The following THSD7B variants were observed in gnomAD, a reference collection of about 807,000 sequenced individuals.
The protein encoded by THSD7B is thrombospondin type 1 domain containing 7B.
THSD7B carries 138 observed loss-of-function variants against 213.6 expected under a neutral mutation model. The ratio of observed to expected loss-of-function variants is 0.65; its 90% CI spans 0.56 to 0.74. The LOEUF is 0.74. Among genes scored for constraint, THSD7B ranks in the 30% least tolerant of loss-of-function variants. The pLI is 0.00. For missense variants in THSD7B, 1,931 were observed against 1,991.5 expected, an observed-to-expected ratio of 0.97 and a Z score of 0.58; for synonymous variants, 742 against 687.0, an observed-to-expected ratio of 1.08 and a Z score of -1.25.
intron 2 of THSD7B, among the ~76,000 whole-genome samples, chr2:137,028,760 C>T (rs1686602499): frequency 6.6e-6 from 1 of 152,146 alleles, no homozygotes; most frequent in South Asian, 2.1e-4. Context: ...CTGGAGGTTT[C>T]CCAGAGGCAA....
chr2:137,533,058 T>A (rs1680429734), intron 15 of THSD7B, among the ~76,000 whole-genome samples: 1 of 151,088 alleles, frequency 6.6e-6, no homozygotes, highest in South Asian at 2.1e-4. Flanking sequence ...ATATAAATAA[T>A]GTTATACATA....
intron 1 of THSD7B, among the ~76,000 whole-genome samples, chr2:136,824,126 A>G (rs1682605497): frequency 3.3e-5 from 5 of 152,196 alleles, no homozygotes; most frequent in Admixed American, 3.3e-4. Context: ...CCAAAGGTAC[A>G]AAGGCAGTAC....
chr2:137,141,110 G>T (rs2104964083), intron 5 of THSD7B, among the ~76,000 whole-genome samples: 1 of 152,248 alleles, frequency 6.6e-6, no homozygotes, highest in South Asian at 2.1e-4. Context: ...GTGTGAGGCT[G>T]GGGAGAGAGG....
intron 2 of THSD7B, among the ~76,000 whole-genome samples, chr2:136,990,480 A>G (rs1307603514): frequency 1.3e-5 from 2 of 151,832 alleles, no homozygotes; most frequent in East Asian, 1.9e-4. Flanking sequence ...ACAGAACTGT[A>G]GGGGGGGGAC....
chr2:137,190,594 C>G (rs1680638477), intron 7 of THSD7B, among the ~76,000 whole-genome samples: 2 of 152,166 alleles, frequency 1.3e-5, no homozygotes, highest in South Asian at 4.1e-4. Flanking sequence ...GGTTTCTGTA[C>G]TGCACGGTCC....
intron 11 of THSD7B, among the ~76,000 whole-genome samples, chr2:137,274,394 G>C (rs1479575879): frequency 6.6e-6 from 1 of 152,060 alleles, no homozygotes. Context: ...AATTTGTCAA[G>C]TGAATTTGAA....
chr2:137,588,062 C>T (rs562731609), intron 17 of THSD7B, among the ~76,000 whole-genome samples: 1 of 152,114 alleles, frequency 6.6e-6, no homozygotes, highest in African/African-American at 2.4e-5. Context: ...CCTGGCTGCC[C>T]CCTTGCAGTT....
At chr2:137,561,508 A>G (rs554451492) in intron 15 of THSD7B, among the ~76,000 whole-genome samples, 58 of 152,228 alleles carry the variant, frequency 3.8e-4, no homozygotes, top group Non-Finnish European at 5.4e-4. Flanking sequence ...GCTCTCTTCT[A>G]TCTCAGGGAA....
intron 7 of THSD7B, among the ~76,000 whole-genome samples, chr2:137,196,869 A>G (rs1680776357): frequency 6.6e-6 from 1 of 152,152 alleles, no homozygotes; most frequent in East Asian, 1.9e-4. Context: ...TCTGGTCCCA[A>G]GCGTTTTGGA....
rs138529146 is a variant in THSD7B at position 136,814,027 on chromosome 2, C to T, written c.-36+48340C>T. Among the ~76,000 whole-genome samples the T allele has an allele frequency of 7.5e-3, 1,144 of 152,250 alleles. 24 individuals carry two copies. Among genetic ancestry groups the T allele is most frequent in the African/African-American group, 0.026 (1,065 of 41,552 alleles). ...TTCTGACTCAGGCTCTCCTGATTTC[C>T]AATATCCCCCTGTGTTCTGTTGCAT... On this transcript the variant is annotated intron_variant, in intron 1 of 27. Coordinates refer to ENST00000409968, the MANE Select transcript of THSD7B (RefSeq NM_001316349.2).
At chr2:136,818,459 A>T (rs1013592710) in intron 1 of THSD7B, among the ~76,000 whole-genome samples, 1 of 151,496 alleles carries the variant, frequency 6.6e-6, no homozygotes, top group African/African-American at 2.4e-5. Flanking sequence ...ATGACGAGTT[A>T]GTGGGTGCAG....
Position 137,471,752 on chromosome 2 carries a change from C to G in THSD7B, c.3138+20729C>G, listed in dbSNP as rs757199809. ...GTGAAATGGGGTTTAGGTGCAGGCT[C>G]CCAGTGGCATGTCCCCTAGACTCTG... On this transcript the variant is annotated intron_variant, in intron 15 of 27. Transcript: ENST00000409968. Among the ~76,000 whole-genome samples, 4 of 152,192 alleles carry G rather than the reference C, an allele frequency of 2.6e-5. No homozygotes were observed. In the East Asian group the frequency reaches 7.8e-4, roughly 30 times the overall value.
chr2:137,548,296 A>C (rs1022344080), intron 15 of THSD7B, among the ~76,000 whole-genome samples: 2 of 152,022 alleles, frequency 1.3e-5, no homozygotes, highest in Non-Finnish European at 2.9e-5. Flanking sequence ...AAAAAGTAGC[A>C]GTGATGTTTC....
chr2:136,909,852 A>G (rs903732743), intron 2 of THSD7B, among the ~76,000 whole-genome samples: 2 of 152,048 alleles, frequency 1.3e-5, no homozygotes, highest in Middle Eastern at 3.2e-3. Context: ...TAGTTTTGCT[A>G]TTGTTACTGT....
intron 2 of THSD7B, 82 bp from the exon 3 acceptor site, chr2:137,056,338 G>T: frequency 7.3e-7 from 1 of 1,376,798 alleles, no homozygotes; most frequent in Non-Finnish European, 9.8e-7. Context: ...GTGTTGGAAA[G>T]TGTGTTAATT....
intron 12 of THSD7B, among the ~76,000 whole-genome samples, chr2:137,293,730 G>A (rs1213965380): frequency 3.9e-5 from 6 of 152,010 alleles, no homozygotes; most frequent in Admixed American, 2.6e-4. Flanking sequence ...GATCTTACAG[G>A]TTTTACCCCA....
chr2:137,102,795 A>G (rs1022224501), intron 4 of THSD7B, among the ~76,000 whole-genome samples: 2 of 152,218 alleles, frequency 1.3e-5, no homozygotes, highest in African/African-American at 4.8e-5. Flanking sequence ...TCAGAGATTG[A>G]AGATCAACTT....
intron 21 of THSD7B, among the ~76,000 whole-genome samples, 173 bp downstream of exon 21, chr2:137,642,806 A>G (rs193152032): frequency 1.3e-5 from 2 of 152,350 alleles, no homozygotes; most frequent in East Asian, 3.9e-4. Context: ...AACCTCATGC[A>G]GAGTGATATT....
chr2:136,946,236 T>C (rs77955048), intron 2 of THSD7B, among the ~76,000 whole-genome samples: 1 of 152,300 alleles, frequency 6.6e-6, no homozygotes, highest in East Asian at 1.9e-4. Context: ...TGCAGGTCTG[T>C]TGGAGTGTGC....
Sources: gnomAD v4.1 joint callset for allele counts (sites outside exome capture counted in the v4.1 genomes callset) on GRCh38, gnomAD v4.1.1 for gene constraint, MANE v1.5 for transcripts, NCBI Gene and HGNC (gene_info 2026-07-23, HGNC 2026-07-21) for gene names.